The following UBR2 variants were observed in gnomAD, a reference collection of about 807,000 sequenced individuals.
UBR2 encodes the protein E3 ubiquitin-protein ligase UBR2.
A neutral mutation model predicts 247.9 loss-of-function variants in UBR2; 92 were observed. The observed-to-expected ratio is 0.37, with a 90% confidence interval of 0.31 to 0.44. The LOEUF (loss-of-function observed/expected upper bound fraction) is 0.44, where lower values mean the gene tolerates loss of function less well. UBR2 is among the 20% of genes least tolerant of loss of function. The probability of loss-of-function intolerance (pLI) is 1.00; values close to 1 mark genes in which losing one functional copy is unlikely to be tolerated. For synonymous variants in UBR2, 672 were observed against 693.5 expected (o/e 0.97, Z 0.49); for missense variants, 1,613 against 2,112.6 (o/e 0.76, Z 4.64).
chr6:42,662,922 A>C (rs1244688046), intron 31 of UBR2, among the ~76,000 whole-genome samples: 1 of 152,000 alleles, frequency 6.6e-6, no homozygotes, highest in African/African-American at 2.4e-5. Context: ...GCGACAGAGC[A>C]AGACTCCATC....
intron 20 of UBR2, 90 bp downstream of exon 20, chr6:42,644,626 T>C: frequency 9.3e-7 from 1 of 1,070,200 alleles, no homozygotes; most frequent in Non-Finnish European, 1.4e-6. Context: ...GTTTCCTTTG[T>C]TTTGAGAGGA....
chr6:42,617,320 C>G (rs1794622352), intron 10 of UBR2, 89 bp from the exon 11 acceptor site: 1 of 1,613,998 alleles, frequency 6.2e-7, no homozygotes, highest in South Asian at 1.1e-5. Context: ...CTGTCCAGTT[C>G]TTCACCGCAC....
intron 40 of UBR2, among the ~76,000 whole-genome samples, chr6:42,677,304 T>G (rs1161452011): frequency 6.6e-6 from 1 of 152,190 alleles, no homozygotes; most frequent in African/African-American, 2.4e-5. Flanking sequence ...CATGTATGGT[T>G]AGAGTCATGA....
intron 11 of UBR2, among the ~76,000 whole-genome samples, chr6:42,625,932 G>C (rs1582575553): frequency 6.6e-6 from 1 of 150,984 alleles, no homozygotes; most frequent in African/African-American, 2.4e-5. Flanking sequence ...TCCTGCCTCA[G>C]CCTCCCAAGT....
intron 44 of UBR2, among the ~76,000 whole-genome samples, chr6:42,687,715 A>G (rs1252637493): frequency 6.6e-6 from 1 of 151,804 alleles, no homozygotes; most frequent in Non-Finnish European, 1.5e-5. Context: ...TAATTTTTGT[A>G]TTTTTAGTAG....
chr6:42,577,515 C>T (rs1416730121), intron 2 of UBR2, among the ~76,000 whole-genome samples: 3 of 147,116 alleles, frequency 2.0e-5, no homozygotes, highest in Non-Finnish European at 4.4e-5. Context: ...ACTTGTTATT[C>T]GTTATTAAAT....
At chr6:42,592,624 T>C (rs1274023867) in intron 3 of UBR2, among the ~76,000 whole-genome samples, 1 of 152,158 alleles carries the variant, frequency 6.6e-6, no homozygotes, top group Non-Finnish European at 1.5e-5. Context: ...GGTATGTTTG[T>C]TTGCTTTTAA....
chr6:42,612,079 A>G, intron 7 of UBR2, 92 bp from the exon 8 acceptor site: 1 of 1,201,446 alleles, frequency 8.3e-7, no homozygotes, highest in Non-Finnish European at 1.1e-6. Context: ...TGATGATGAT[A>G]GTGTGGTTAT....
At chr6:42,593,677 C>T (rs769463967) in intron 3 of UBR2, among the ~76,000 whole-genome samples, 1 of 152,082 alleles carries the variant, frequency 6.6e-6, no homozygotes, top group Non-Finnish European at 1.5e-5. Flanking sequence ...ATTTCCTGAG[C>T]CCCTATTACT....
At chr6:42,681,448 G>A (rs1333070809) in intron 42 of UBR2, among the ~76,000 whole-genome samples, 1 of 152,012 alleles carries the variant, frequency 6.6e-6, no homozygotes, top group Non-Finnish European at 1.5e-5. Flanking sequence ...TAGGTAAAGG[G>A]CTTAAATAGG....
rs968618848 is a variant in UBR2 at position 42,652,715 on chromosome 6, T to A, written c.2769+70T>A. The A allele has an allele frequency of 2.8e-6, 4 of 1,414,612 alleles. No homozygotes were observed. In the African/African-American group the frequency reaches 4.5e-5, roughly 16 times the overall value. The allele number at this position is 1,414,612 out of a possible 1,614,324, so 87.6% of individuals were successfully genotyped here. On this transcript the variant is annotated intron_variant, in intron 25 of 46. Coordinates refer to ENST00000372901, the MANE Select transcript of UBR2 (RefSeq NM_001363705.2). The stretch of plus-strand genomic sequence containing the variant: ...TACAAGCAAAATATTCTTGTCTGTA[T>A]CTATACACAGGAAAACTAGGCCGAA...
intron 16 of UBR2, 49 bp downstream of exon 16, chr6:42,640,319 T>C (rs1796347261): frequency 6.6e-7 from 1 of 1,519,844 alleles, no homozygotes; most frequent in Non-Finnish European, 8.9e-7. Flanking sequence ...TTATGTTCTT[T>C]GTATTTGGAA....
intron 30 of UBR2, among the ~76,000 whole-genome samples, chr6:42,660,261 A>G (rs996238147): frequency 3.3e-5 from 5 of 152,154 alleles, no homozygotes; most frequent in Non-Finnish European, 7.3e-5. Context: ...GTAAGAGGCA[A>G]TCCTTGAGCC....
chr6:42,569,053 T>G (rs183463770), intron 1 of UBR2, among the ~76,000 whole-genome samples: 2 of 152,348 alleles, frequency 1.3e-5, no homozygotes, highest in East Asian at 3.9e-4. Flanking sequence ...AACCATATAT[T>G]ATTTATCTGT....
chr6:42,616,685 A>G (rs779237375), intron 10 of UBR2, among the ~76,000 whole-genome samples: 5 of 151,578 alleles, frequency 3.3e-5, no homozygotes, highest in Non-Finnish European at 7.4e-5. Flanking sequence ...TTATTAATAT[A>G]GTTAAGTTCT....
chr6:42,662,853 T>C (rs1797894407), intron 31 of UBR2, among the ~76,000 whole-genome samples: 1 of 152,038 alleles, frequency 6.6e-6, no homozygotes, highest in African/African-American at 2.4e-5. Context: ...GAGAATTGCT[T>C]GAATGTGGGA....
chr6:42,684,928 AG>A, intron 44 of UBR2, 57 bp downstream of exon 44: 3 of 1,411,624 alleles, frequency 2.1e-6, no homozygotes, highest in Non-Finnish European at 3.0e-6. Flanking sequence ...CTCTCTACAA[AG>A]AATTTGAAGG....
At chr6:42,670,293 A>AT in intron 35 of UBR2, 53 bp downstream of exon 35, 1 of 1,584,066 alleles carries the variant, frequency 6.3e-7, no homozygotes. Context: ...ATTGATATGA[A>AT]TTAGGCATAG....
At chr6:42,569,349 C>A (rs1016660099) in intron 1 of UBR2, among the ~76,000 whole-genome samples, 7 of 152,122 alleles carry the variant, frequency 4.6e-5, no homozygotes, top group Admixed American at 4.6e-4. Flanking sequence ...TGATTACAGC[C>A]ATTCTTTTGG....
Sources: gnomAD v4.1 joint callset for allele counts (sites outside exome capture counted in the v4.1 genomes callset) on GRCh38, gnomAD v4.1.1 for gene constraint, MANE v1.5 for transcripts, NCBI Gene and HGNC (gene_info 2026-07-23, HGNC 2026-07-21) for gene names.